The following SETBP1 variants were observed in gnomAD, a reference collection of about 807,000 sequenced individuals.
SETBP1 encodes the protein SET-binding protein.
A neutral mutation model predicts 101.0 loss-of-function variants in SETBP1; 9 were observed. That is an observed-to-expected ratio of 0.09 (90% CI 0.05 to 0.16). The LOEUF (loss-of-function observed/expected upper bound fraction) is 0.16. SETBP1 is among the 10% of genes least tolerant of loss of function. SETBP1 has a pLI of 1.00. For synonymous variants in SETBP1, 818 were observed against 788.5 expected (o/e 1.04, Z -0.63); for missense variants, 1,858 against 2,033.8 (o/e 0.91, Z 1.66).
intron 3 of SETBP1, among the ~76,000 whole-genome samples, chr18:44,889,025 A>G (rs1164166156): frequency 6.6e-6 from 1 of 152,090 alleles, no homozygotes; most frequent in Non-Finnish European, 1.5e-5. Context: ...AATAAATTTT[A>G]TTTGCTTGTA....
chr18:44,693,118 A>G (rs1032039861), intron 1 of SETBP1, among the ~76,000 whole-genome samples: 1 of 152,178 alleles, frequency 6.6e-6, no homozygotes, highest in Non-Finnish European at 1.5e-5. Flanking sequence ...TGCTAGATTT[A>G]CCAGTGTTGT....
chr18:44,926,369 G>A (rs1205144846), intron 3 of SETBP1, among the ~76,000 whole-genome samples: 2 of 152,182 alleles, frequency 1.3e-5, no homozygotes, highest in Non-Finnish European at 2.9e-5. Flanking sequence ...GCTTCCATAA[G>A]GCCACAGAAG....
chr18:45,045,369 T>C (rs765027187), intron 5 of SETBP1, among the ~76,000 whole-genome samples: 3 of 152,170 alleles, frequency 2.0e-5, no homozygotes, highest in Non-Finnish European at 4.4e-5. Context: ...AGGCGGAGGT[T>C]GTAGTGAGCC....
chr18:44,964,109 G>A (rs554820891), intron 4 of SETBP1, among the ~76,000 whole-genome samples: 1 of 152,128 alleles, frequency 6.6e-6, no homozygotes, highest in Admixed American at 6.5e-5. Context: ...GAGAAACTGT[G>A]GTTCAAAGCC....
chr18:44,996,939 G>C (rs1321272833), intron 4 of SETBP1, among the ~76,000 whole-genome samples: 1 of 152,208 alleles, frequency 6.6e-6, no homozygotes, highest in Admixed American at 6.5e-5. Context: ...GGTACAGGCA[G>C]GTCTCAGCTG....
chr18:45,018,390 C>G (rs1306005440), intron 4 of SETBP1, among the ~76,000 whole-genome samples: 1 of 152,214 alleles, frequency 6.6e-6, no homozygotes, highest in Non-Finnish European at 1.5e-5. Context: ...CTGTTCTTGT[C>G]TGTGCCCTTT....
intron 3 of SETBP1, among the ~76,000 whole-genome samples, chr18:44,923,974 G>T (rs1427089474): frequency 6.6e-6 from 1 of 152,066 alleles, no homozygotes; most frequent in Non-Finnish European, 1.5e-5. Flanking sequence ...ATTTGCAGAA[G>T]TCCCATGGCT....
At chr18:44,917,496 G>A (rs949048270) in intron 3 of SETBP1, among the ~76,000 whole-genome samples, 1 of 152,058 alleles carries the variant, frequency 6.6e-6, no homozygotes, top group African/African-American at 2.4e-5. Flanking sequence ...TTTAACCCAG[G>A]ACCAAGTTAT....
intron 2 of SETBP1, among the ~76,000 whole-genome samples, chr18:44,832,450 C>T (rs1232513305): frequency 6.6e-6 from 1 of 152,252 alleles, no homozygotes; most frequent in Non-Finnish European, 1.5e-5. Flanking sequence ...CTCAGAAACA[C>T]ATCATCAGAG....
chr18:44,911,458 A>G (rs537659402), intron 3 of SETBP1, among the ~76,000 whole-genome samples: 101 of 152,324 alleles, frequency 6.6e-4, no homozygotes, highest in African/African-American at 2.3e-3. Flanking sequence ...AGGAACTGAA[A>G]TGACCTCCAA....
chr18:44,957,903 A>G (rs1459932038), intron 4 of SETBP1, among the ~76,000 whole-genome samples: 2 of 152,208 alleles, frequency 1.3e-5, no homozygotes, highest in Non-Finnish European at 2.9e-5. Flanking sequence ...ATGAAATATA[A>G]TCTTTTTAAC....
intron 4 of SETBP1, among the ~76,000 whole-genome samples, chr18:44,963,886 C>A (rs2071664105): frequency 1.3e-5 from 1 of 76,230 alleles, no homozygotes; most frequent in African/African-American, 5.5e-5. Context: ...GGTAACAGAG[C>A]AAGACCCCAT....
intron 4 of SETBP1, among the ~76,000 whole-genome samples, chr18:45,008,010 GCT>G (rs2072765262): frequency 6.6e-6 from 1 of 152,184 alleles, no homozygotes; most frequent in East Asian, 1.9e-4. Flanking sequence ...AGATACCAAA[GCT>G]GGCTTTACAT....
At chr18:44,807,099 G>A (rs2071759943) in intron 2 of SETBP1, among the ~76,000 whole-genome samples, 1 of 151,974 alleles carries the variant, frequency 6.6e-6, no homozygotes, top group African/African-American at 2.4e-5. Flanking sequence ...GGTAACAGTG[G>A]GAATCTTATA....
intron 3 of SETBP1, among the ~76,000 whole-genome samples, chr18:44,919,664 A>T (rs1388324534): frequency 6.6e-6 from 1 of 151,730 alleles, no homozygotes; most frequent in Non-Finnish European, 1.5e-5. Flanking sequence ...CCCCGTCTTT[A>T]AGCTTGTCCC....
At chr18:44,793,391 T>C (rs1039215946) in intron 2 of SETBP1, among the ~76,000 whole-genome samples, 1 of 152,178 alleles carries the variant, frequency 6.6e-6, no homozygotes, top group Non-Finnish European at 1.5e-5. Flanking sequence ...GTGCCCCTCC[T>C]CAGGGGAATT....
At chr18:44,980,894 G>A (rs188170390) in intron 4 of SETBP1, among the ~76,000 whole-genome samples, 10 of 152,340 alleles carry the variant, frequency 6.6e-5, no homozygotes. Context: ...TGGACAGGCT[G>A]TTGGTTTTGG....
Position 45,063,745 on chromosome 18 carries a change from G to T in SETBP1, c.*47G>T. The T allele has an allele frequency of 6.3e-7, 1 of 1,575,786 alleles. No individual in the cohort carries two copies. On this transcript the variant is annotated 3_prime_UTR_variant, in exon 6 of 6. Coordinates refer to ENST00000649279, the MANE Select transcript of SETBP1 (RefSeq NM_015559.3). Reference sequence around the variant, plus strand: ...CTGGGGCCTAGGGAACTGACACGTGGGAAGCGCAGTGAGCCGGGGCGGGGG... The same window carrying T: ...CTGGGGCCTAGGGAACTGACACGTGTGAAGCGCAGTGAGCCGGGGCGGGGG...
At chr18:44,779,952 A>C (rs1406038084) in intron 2 of SETBP1, among the ~76,000 whole-genome samples, 1 of 151,658 alleles carries the variant, frequency 6.6e-6, no homozygotes, top group Admixed American at 6.6e-5. Flanking sequence ...ACACGCACGC[A>C]CACACGCATG....
Sources: gnomAD v4.1 joint callset for allele counts (sites outside exome capture counted in the v4.1 genomes callset) on GRCh38, gnomAD v4.1.1 for gene constraint, MANE v1.5 for transcripts, NCBI Gene and HGNC (gene_info 2026-07-23, HGNC 2026-07-21) for gene names.